HS6ST3: variants seen among roughly 807,000 people sequenced by gnomAD.
HS6ST3 encodes heparan-sulfate 6-O-sulfotransferase 3.
HS6ST3 carries 12 observed loss-of-function variants against 36.7 expected under a neutral mutation model. The ratio of observed to expected loss-of-function variants is 0.33; its 90% confidence interval spans 0.21 to 0.53. The LOEUF (loss-of-function observed/expected upper bound fraction) is 0.53, where lower values mean the gene tolerates loss of function less well. Ranked by LOEUF, HS6ST3 falls within the 20% of genes least tolerant of loss-of-function variation. HS6ST3 has a pLI of 0.95. For missense variants in HS6ST3, 584 were observed against 640.9 expected, an observed-to-expected ratio of 0.91 and a Z score of 0.96; for synonymous variants, 240 against 257.5, an observed-to-expected ratio of 0.93 and a Z score of 0.65.
chr13:96,584,207 G>A (rs1364930543), intron 1 of HS6ST3, among the ~76,000 whole-genome samples: 3 of 151,970 alleles, frequency 2.0e-5, no homozygotes, highest in African/African-American at 7.3e-5. Flanking sequence ...ACACAATCTC[G>A]ATCTCAGCTC....
chr13:96,531,491 T>C (rs1225481454), intron 1 of HS6ST3, among the ~76,000 whole-genome samples: 1 of 152,220 alleles, frequency 6.6e-6, no homozygotes. Context: ...GGATACTAGT[T>C]AGCATAAATT....
At chr13:96,364,110 C>G (rs1029783392) in intron 1 of HS6ST3, among the ~76,000 whole-genome samples, 1 of 151,794 alleles carries the variant, frequency 6.6e-6, no homozygotes, top group African/African-American at 2.4e-5. Context: ...GTACCTGTTA[C>G]TTAAAAAAAG....
At chr13:96,213,434 T>C (rs2054408433) in intron 1 of HS6ST3, among the ~76,000 whole-genome samples, 1 of 152,220 alleles carries the variant, frequency 6.6e-6, no homozygotes, top group Non-Finnish European at 1.5e-5. Context: ...CCTTTGTTCC[T>C]ACCTGTACTA....
chr13:96,575,705 G>A (rs893180043), intron 1 of HS6ST3, among the ~76,000 whole-genome samples: 1 of 152,228 alleles, frequency 6.6e-6, no homozygotes, highest in Non-Finnish European at 1.5e-5. Flanking sequence ...CAACTTTCAT[G>A]TGACGTATTT....
Position 96,317,325 on chromosome 13 carries a change from A to G in HS6ST3, c.707+225756A>G, listed in dbSNP as rs1449175880. 3.8e-3 allele frequency among the ~76,000 whole-genome samples: 351 copies of G among 92,338 alleles called. 5 individuals are homozygous for G. The highest frequency in any genetic ancestry group is 0.015 in the African/African-American group (337 of 22,804). 60.6% of individuals were successfully genotyped at this position (92,338 alleles called of 152,430 possible). A position where few individuals can be genotyped will look rare whatever the true frequency, so the allele number is the denominator to read the frequency against. The stretch of plus-strand genomic sequence containing the variant: ...TCTTTTTATGGCTGTGTAGTATTCC[A>G]TTATATATATATATATATATATATA... On this transcript the variant is annotated intron_variant, in intron 1 of 1. Transcript: ENST00000376705.
chr13:96,310,070 C>T (rs2054932661), intron 1 of HS6ST3, among the ~76,000 whole-genome samples: 1 of 152,082 alleles, frequency 6.6e-6, no homozygotes, highest in Non-Finnish European at 1.5e-5. Context: ...TTATTTTCTT[C>T]TTTTGGCTAT....
chr13:96,333,925 G>A (rs1006180784), intron 1 of HS6ST3, among the ~76,000 whole-genome samples: 1 of 152,050 alleles, frequency 6.6e-6, no homozygotes, highest in Non-Finnish European at 1.5e-5. Flanking sequence ...GTGGAATTAG[G>A]GAAGTTTTGA....
chr13:96,488,740 A>G lies in HS6ST3; in HGVS notation c.708-343750A>G, dbSNP rs539415572. On this transcript the variant is annotated intron_variant, in intron 1 of 1. Transcript: ENST00000376705. ...CATCTGCATGATAGTTTTTCTTTTT[A>G]AAGTGGAAGATGCATGTAATTAAAA... Among the ~76,000 whole-genome samples the G allele has an allele frequency of 2.0e-5, 3 of 152,170 alleles. No homozygotes were observed. The East Asian group carries it at 5.8e-4, about 29-fold the overall frequency.
rs1461898682 is a variant in HS6ST3, at chr13:96,761,896, T to C, written c.708-70594T>C. ...GTACAGTGTTTGCACAGTGCTCTGT[T>C]TTGCACTCTGAGCCTAATAAATAAT... On this transcript the variant is annotated intron_variant, in intron 1 of 1. Coordinates refer to ENST00000376705, the MANE Select transcript of HS6ST3 (RefSeq NM_153456.4). 3.3e-5 allele frequency among the ~76,000 whole-genome samples: 5 copies of C among 152,208 alleles called. No individual in the cohort carries two copies. In the South Asian group the frequency reaches 1.0e-3, roughly 32 times the overall value.
At chr13:96,454,171 T>C (rs2055743463) in intron 1 of HS6ST3, among the ~76,000 whole-genome samples, 1 of 152,110 alleles carries the variant, frequency 6.6e-6, no homozygotes, top group Admixed American at 6.5e-5. Flanking sequence ...CACTGGGCCT[T>C]TTCATGGAGC....
chr13:96,154,290 T>C (rs1370011959), intron 1 of HS6ST3, among the ~76,000 whole-genome samples: 2 of 152,098 alleles, frequency 1.3e-5, no homozygotes, highest in African/African-American at 4.8e-5. Flanking sequence ...ATAAGATAAT[T>C]AATTTATCTT....
chr13:96,353,186 T>C (rs2055192621), intron 1 of HS6ST3, among the ~76,000 whole-genome samples: 1 of 151,302 alleles, frequency 6.6e-6, no homozygotes, highest in Non-Finnish European at 1.5e-5. Context: ...CCCGAGTAGC[T>C]GGGACTATAG....
intron 1 of HS6ST3, among the ~76,000 whole-genome samples, chr13:96,498,824 T>C (rs1052980984): frequency 1.3e-5 from 2 of 152,174 alleles, no homozygotes; most frequent in South Asian, 2.1e-4. Context: ...TGGTTTGAGC[T>C]GAATTAAATC....
intron 1 of HS6ST3, among the ~76,000 whole-genome samples, chr13:96,652,525 A>C (rs1210876256): frequency 6.6e-6 from 1 of 152,044 alleles, no homozygotes; most frequent in Non-Finnish European, 1.5e-5. Context: ...TGTACTTGGT[A>C]CACACAATAA....
At position 96,091,400 on chromosome 13, in the gene HS6ST3, G is replaced by T; in HGVS notation, c.538G>T (p.Gly180Cys). ...RLEQPCSCKAGQKKCTCHRPG... is the reference protein window; with the variant it reads ...RLEQPCSCKACQKKCTCHRPG... Reference sequence around the variant, plus strand: ...GGAGCAGCCTTGTAGCTGCAAAGCGGGTCAGAAGAAGTGCACCTGCCACCG... The same window carrying T: ...GGAGCAGCCTTGTAGCTGCAAAGCGTGTCAGAAGAAGTGCACCTGCCACCG... The change falls in exon 1 of 2, where the codon GGT becomes TGT. Residue 180 changes from glycine (G) to cysteine (C), a missense_variant. By Grantham distance (159) the Gly-to-Cys change is radical. Coordinates refer to ENST00000376705, the MANE Select transcript of HS6ST3 (RefSeq NM_153456.4). 1 of 1,613,626 alleles carries T rather than the reference G, an allele frequency of 6.2e-7. No homozygotes were observed. Among genetic ancestry groups the T allele is most frequent in the Non-Finnish European group, 8.5e-7 (1 of 1,179,854 alleles).
At chr13:96,095,001 A>C (rs1390835199) in intron 1 of HS6ST3, among the ~76,000 whole-genome samples, 1 of 152,114 alleles carries the variant, frequency 6.6e-6, no homozygotes, top group Non-Finnish European at 1.5e-5. Flanking sequence ...AGCATTCTTG[A>C]GTATATATAG....
At chr13:96,156,451 G>A (rs560249698) in intron 1 of HS6ST3, among the ~76,000 whole-genome samples, 2 of 152,246 alleles carry the variant, frequency 1.3e-5, no homozygotes, top group East Asian at 3.9e-4. Context: ...CATGATAAAA[G>A]CATATGTTTA....
chr13:96,348,781 T>C (rs1444640212), intron 1 of HS6ST3, among the ~76,000 whole-genome samples: 2 of 152,212 alleles, frequency 1.3e-5, no homozygotes, highest in African/African-American at 4.8e-5. Flanking sequence ...CCAATCTCTT[T>C]TCATCTGCAT....
chr13:96,297,777 A>C (rs2054862297), intron 1 of HS6ST3, among the ~76,000 whole-genome samples: 1 of 152,128 alleles, frequency 6.6e-6, no homozygotes, highest in African/African-American at 2.4e-5. Context: ...GCACTCCTAT[A>C]AAATTTTATT....
Sources: gnomAD v4.1 joint callset for allele counts (sites outside exome capture counted in the v4.1 genomes callset) on GRCh38, gnomAD v4.1.1 for gene constraint, MANE v1.5 for transcripts, NCBI Gene and HGNC (gene_info 2026-07-23, HGNC 2026-07-21) for gene names.